Variants in SYNDIG1 observed in about 807,000 individuals in gnomAD.
SYNDIG1 encodes synapse differentiation inducing 1.
Under a neutral mutation model 19.4 loss-of-function variants are expected in SYNDIG1, and 9 were observed. That is an observed-to-expected ratio of 0.46 (90% CI 0.28 to 0.81). The LOEUF (loss-of-function observed/expected upper bound fraction) is 0.81, where lower values mean the gene tolerates loss of function less well. SYNDIG1 is among the 30% of genes least tolerant of loss of function. The pLI is 0.12. For synonymous variants in SYNDIG1, 141 were observed against 145.9 expected, an observed-to-expected ratio of 0.97 and a Z score of 0.24; for missense variants, 311 against 343.3, an observed-to-expected ratio of 0.91 and a Z score of 0.74.
chr20:24,634,694 G>T (rs2147315916), intron 3 of SYNDIG1, among the ~76,000 whole-genome samples: 1 of 152,136 alleles, frequency 6.6e-6, no homozygotes, highest in South Asian at 2.1e-4. Context: ...TTACCATTTT[G>T]TATTGGGTGT....
chr20:24,641,524 G>T (rs1206421592), intron 3 of SYNDIG1, among the ~76,000 whole-genome samples: 1 of 152,188 alleles, frequency 6.6e-6, no homozygotes, highest in Non-Finnish European at 1.5e-5. Flanking sequence ...TATGGTGTTT[G>T]ACATAAAGCT....
At chr20:24,532,190 A>G (rs1484941295) in intron 1 of SYNDIG1, among the ~76,000 whole-genome samples, 1 of 152,244 alleles carries the variant, frequency 6.6e-6, no homozygotes, top group African/African-American at 2.4e-5. Flanking sequence ...AGCTGTAATC[A>G]TAATTAGCCC....
chr20:24,593,690 G>A (rs1175404967), intron 3 of SYNDIG1, among the ~76,000 whole-genome samples: 7 of 152,064 alleles, frequency 4.6e-5, no homozygotes, highest in Admixed American at 1.3e-4. Context: ...CCACAACCTT[G>A]CTAGCATCTG....
At chr20:24,555,303 C>T (rs2057791129) in intron 2 of SYNDIG1, among the ~76,000 whole-genome samples, 1 of 152,062 alleles carries the variant, frequency 6.6e-6, no homozygotes, top group East Asian at 1.9e-4. Context: ...TCTCTATTTC[C>T]TTCAGTTCTG....
chr20:24,530,119 T>G (rs897839790), intron 1 of SYNDIG1, among the ~76,000 whole-genome samples: 10 of 43,706 alleles, frequency 2.3e-4, no homozygotes, highest in African/African-American at 8.0e-4. Context: ...ACATTATCCT[T>G]AAAAATGAAG....
At chr20:24,470,973 G>A (rs1376393405) in intron 1 of SYNDIG1, among the ~76,000 whole-genome samples, 1 of 152,022 alleles carries the variant, frequency 6.6e-6, no homozygotes, top group Non-Finnish European at 1.5e-5. Context: ...GTGTCGAGGG[G>A]AGGGGGGCTG....
intron 1 of SYNDIG1, among the ~76,000 whole-genome samples, chr20:24,504,675 A>G (rs1302555009): frequency 2.6e-5 from 4 of 152,238 alleles, no homozygotes; most frequent in African/African-American, 9.6e-5. Context: ...CATGAAGAAC[A>G]GCTTCTACTT....
intron 2 of SYNDIG1, among the ~76,000 whole-genome samples, chr20:24,574,300 A>G (rs1280390392): frequency 6.8e-6 from 1 of 147,448 alleles, no homozygotes; most frequent in East Asian, 2.0e-4. Context: ...CAACACAGTG[A>G]AACCCCGTCT....
At position 24,585,042 on chromosome 20, in the gene SYNDIG1, TG is replaced by T. The variant is rs753095590; in HGVS notation, c.618+54del. 1.5e-4 allele frequency: 67 copies of T among 433,394 alleles called. 1 individual carries two copies. Among genetic ancestry groups the T allele is most frequent in the Non-Finnish European group, 2.3e-4 (64 of 272,902 alleles). 26.8% of individuals were successfully genotyped at this position (433,394 alleles called of 1,614,324 possible). Reference sequence around the variant, plus strand: ...ACGTGGTGTGCAGGTGTTCACAGGGTGGGGGTGGGGGCGGCAATCCCAGCCG... The same window carrying T: ...ACGTGGTGTGCAGGTGTTCACAGGGTGGGGTGGGGGCGGCAATCCCAGCCG... On this transcript the variant is annotated intron_variant, in intron 3 of 3. Transcript: ENST00000376862.
At chr20:24,520,160 A>C (rs2146535071) in intron 1 of SYNDIG1, among the ~76,000 whole-genome samples, 1 of 152,178 alleles carries the variant, frequency 6.6e-6, no homozygotes, top group Middle Eastern at 3.4e-3. Context: ...ATATAGGTAA[A>C]TCTAAATGAA....
intron 1 of SYNDIG1, among the ~76,000 whole-genome samples, chr20:24,534,773 C>T (rs1255616928): frequency 6.6e-6 from 1 of 152,210 alleles, no homozygotes; most frequent in Non-Finnish European, 1.5e-5. Flanking sequence ...CGGTAGGTAC[C>T]CATTAAGTGC....
At chr20:24,559,694 CT>C (rs762012118) in intron 2 of SYNDIG1, among the ~76,000 whole-genome samples, 1 of 152,098 alleles carries the variant, frequency 6.6e-6, no homozygotes, top group Non-Finnish European at 1.5e-5. Context: ...CTTTATTTAC[CT>C]GGGAATGTCA....
chr20:24,626,658 A>G (rs951085905), intron 3 of SYNDIG1, among the ~76,000 whole-genome samples: 72 of 152,324 alleles, frequency 4.7e-4, no homozygotes, highest in African/African-American at 1.7e-3. Context: ...GACGCTCCTC[A>G]CTTCCCAGAT....
chr20:24,471,574 G>C (rs528194719), intron 1 of SYNDIG1, among the ~76,000 whole-genome samples: 26 of 141,792 alleles, frequency 1.8e-4, no homozygotes, highest in African/African-American at 6.5e-4. Context: ...GCCTGAAAAC[G>C]GAATCCTCAT....
At chr20:24,536,802 C>T (rs1199878857) in intron 1 of SYNDIG1, among the ~76,000 whole-genome samples, 5 of 152,176 alleles carry the variant, frequency 3.3e-5, no homozygotes, top group Admixed American at 3.3e-4. Context: ...GATGAGGCTA[C>T]ACATTTTGCC....
intron 1 of SYNDIG1, among the ~76,000 whole-genome samples, chr20:24,534,262 C>T (rs1423643827): frequency 6.6e-6 from 1 of 152,152 alleles, no homozygotes; most frequent in Non-Finnish European, 1.5e-5. Flanking sequence ...TTCCCTAATC[C>T]GAGGGCCTAA....
chr20:24,570,989 C>G (rs370875093), intron 2 of SYNDIG1, among the ~76,000 whole-genome samples: 1 of 152,094 alleles, frequency 6.6e-6, no homozygotes, highest in Non-Finnish European at 1.5e-5. Context: ...ACCTGGATCT[C>G]GAGGGTATTG....
chr20:24,530,492 G>T (rs903352416), intron 1 of SYNDIG1, among the ~76,000 whole-genome samples: 2 of 152,218 alleles, frequency 1.3e-5, no homozygotes, highest in Non-Finnish European at 2.9e-5. Flanking sequence ...AGGCTTTTCT[G>T]TGTGTGCTAA....
At chr20:24,502,436 C>G (rs2056478013) in intron 1 of SYNDIG1, 2 of 150,768 alleles carry the variant, frequency 1.3e-5, no homozygotes, top group African/African-American at 5.0e-5. Flanking sequence ...CAGTGCTGCT[C>G]TGATTCACAG....
Sources: allele counts gnomAD v4.1 joint callset (sites outside exome capture counted in the v4.1 genomes callset), GRCh38; gene constraint gnomAD v4.1.1; transcripts MANE v1.5; gene names NCBI Gene and HGNC (gene_info 2026-07-23, HGNC 2026-07-21).